Variants in NCAPG2 observed in about 807,000 individuals in gnomAD.
NCAPG2 encodes the protein condensin-2 complex subunit G2.
NCAPG2 carries 53 observed loss-of-function variants against 141.1 expected under a neutral mutation model. That is an observed-to-expected ratio of 0.38 (90% confidence interval 0.30 to 0.47). The LOEUF is 0.47. Ranked by LOEUF, NCAPG2 falls within the 20% of genes least tolerant of loss-of-function variation. The probability of loss-of-function intolerance (pLI) is 0.99; values close to 1 mark genes in which losing one functional copy is unlikely to be tolerated. For synonymous variants in NCAPG2, 499 were observed against 490.7 expected, an observed-to-expected ratio of 1.02 and a Z score of -0.22; for missense variants, 1,087 against 1,389.0, an observed-to-expected ratio of 0.78 and a Z score of 3.46.
At chr7:158,689,730 C>T in intron 6 of NCAPG2, 89 bp downstream of exon 6, 2 of 1,232,644 alleles carry the variant, frequency 1.6e-6, no homozygotes, top group Non-Finnish European at 2.2e-6. Context: ...CAACACCGAG[C>T]ATGGTGCAGA....
intron 27 of NCAPG2, among the ~76,000 whole-genome samples, chr7:158,635,408 C>A (rs928147295): frequency 6.6e-6 from 1 of 152,130 alleles, no homozygotes; most frequent in Non-Finnish European, 1.5e-5. Flanking sequence ...TTACTATTAA[C>A]GTTGCCTGCA....
intron 14 of NCAPG2, 107 bp from the exon 15 acceptor site, chr7:158,664,403 G>T (rs2290392): frequency 8.7e-6 from 13 of 1,495,468 alleles, no homozygotes; most frequent in Middle Eastern, 4.4e-4. Context: ...CTATTTTAAG[G>T]GAAATCATTC....
chr7:158,704,644 G>A (rs1250937396), intron 1 of NCAPG2, 80 bp downstream of exon 1: 1 of 152,626 alleles, frequency 6.6e-6, no homozygotes, highest in Non-Finnish European at 1.5e-5. Flanking sequence ...GACCAGCCGA[G>A]GAGGGGCTTC....
rs554870093 is a variant in NCAPG2, at chr7:158,693,008, C to CA, written c.268-53dup. ...TGAATTAAAATCATCAACTTAAAATCAGTTTTTAGCAGAAATTTCAGTTAC... is the reference window on the plus strand; with the variant it reads ...TGAATTAAAATCATCAACTTAAAATCAAGTTTTTAGCAGAAATTTCAGTTAC... On this transcript the variant is annotated intron_variant, in intron 3 of 27. Coordinates refer to ENST00000356309, the MANE Select transcript of NCAPG2 (RefSeq NM_017760.7). 145 of 1,212,270 alleles carry CA rather than the reference C, an allele frequency of 1.2e-4. 1 individual carries two copies. The African/African-American group carries it at 2.0e-3, about 17-fold the overall frequency. The allele number at this position is 1,212,270 out of a possible 1,614,324, so 75.1% of individuals were successfully genotyped here.
Position 158,696,750 on chromosome 7 carries a change from C to G in NCAPG2, c.79-3253G>C, listed in dbSNP as rs537137673. ...ACCCTCCTCCTCCTAAGTCCACACCCTTAGCTTCCCAAATGTGCCCTGCCT... is the reference window on the plus strand; with the variant it reads ...ACCCTCCTCCTCCTAAGTCCACACCGTTAGCTTCCCAAATGTGCCCTGCCT... On this transcript the variant is annotated intron_variant, in intron 2 of 27. Transcript: ENST00000356309. 5 of 152,400 alleles carry G rather than the reference C, an allele frequency of 3.3e-5. No individual in the cohort carries two copies. In the South Asian group the frequency reaches 1.0e-3, roughly 32 times the overall value. The allele number at this position is 152,400 out of a possible 1,614,324, so 9.4% of individuals were successfully genotyped here. A position where few individuals can be genotyped will look rare whatever the true frequency, so the allele number is the denominator to read the frequency against.
intron 16 of NCAPG2, among the ~76,000 whole-genome samples, chr7:158,660,931 T>C (rs1320368756): frequency 6.6e-6 from 1 of 152,190 alleles, no homozygotes; most frequent in Admixed American, 6.5e-5. Context: ...TGCTTGGCTC[T>C]CATTTTCTCT....
At chr7:158,674,030 T>G (rs536384401) in intron 12 of NCAPG2, among the ~76,000 whole-genome samples, 2 of 152,296 alleles carry the variant, frequency 1.3e-5, no homozygotes, top group South Asian at 4.1e-4. Context: ...GAAATGGAGA[T>G]AGACTATTTA....
Position 158,670,760 on chromosome 7 carries a change from C to T in NCAPG2, c.1479+754G>A, listed in dbSNP as rs574260215. On this transcript the variant is annotated intron_variant, in intron 13 of 27. Coordinates refer to ENST00000356309, the MANE Select transcript of NCAPG2 (RefSeq NM_017760.7). Reference sequence around the variant, plus strand: ...GCCCGACAAAAAGTTCCTCCTTGTTCTTTTCATGGCCACACGGCACCACTT... The same window carrying T: ...GCCCGACAAAAAGTTCCTCCTTGTTTTTTTCATGGCCACACGGCACCACTT... 3.9e-5 allele frequency among the ~76,000 whole-genome samples: 6 copies of T among 152,238 alleles called. No homozygotes were observed. The South Asian group carries it at 1.2e-3, about 32-fold the overall frequency.
chr7:158,659,355 A>G (rs966362062), intron 16 of NCAPG2, among the ~76,000 whole-genome samples: 22 of 151,840 alleles, frequency 1.4e-4, no homozygotes, highest in Non-Finnish European at 2.6e-4. Context: ...AAGAAGAAAA[A>G]AAAAAGTAAG....
chr7:158,671,741 A>G, intron 12 of NCAPG2, 75 bp from the exon 13 acceptor site: 1 of 1,501,194 alleles, frequency 6.7e-7, no homozygotes, highest in Non-Finnish European at 9.1e-7. Context: ...AAACTTCATT[A>G]AAGAAAACAT....
chr7:158,688,990 G>T (rs912836552), intron 6 of NCAPG2, among the ~76,000 whole-genome samples: 1 of 152,140 alleles, frequency 6.6e-6, no homozygotes, highest in African/African-American at 2.4e-5. Flanking sequence ...TGCCTGCTGA[G>T]CCATGAGCAT....
At chr7:158,657,585 C>G (rs1207050986) in intron 17 of NCAPG2, among the ~76,000 whole-genome samples, 1 of 152,220 alleles carries the variant, frequency 6.6e-6, no homozygotes, top group Non-Finnish European at 1.5e-5. Context: ...AGGGGTGCCT[C>G]TGCCTGGCCG....
chr7:158,652,340 C>G lies in NCAPG2; in HGVS notation c.2887G>C (p.Glu963Gln), dbSNP rs1459774548. ...TVQKVFQKML[E>Q]CIARSFRKQP... ...TTCCTGAAGCTCCGTGCAATACATTCCAACATTTTCTGAAATACTTTCTGG... is the reference window on the plus strand; with the variant it reads ...TTCCTGAAGCTCCGTGCAATACATTGCAACATTTTCTGAAATACTTTCTGG... Residue 963 changes from glutamate (E) to glutamine (Q), a missense_variant, in exon 23 of 28, where the codon GAA (glutamate) becomes CAA (glutamine). Glu to Gln is a conservative substitution (Grantham distance 29). Transcript: ENST00000356309. 1 of 1,613,974 alleles carries G rather than the reference C, an allele frequency of 6.2e-7. No homozygotes were observed. The highest frequency in any genetic ancestry group is 8.5e-7 in the Non-Finnish European group (1 of 1,180,020).
At chr7:158,660,164 T>A (rs1436721020) in intron 16 of NCAPG2, among the ~76,000 whole-genome samples, 3 of 151,884 alleles carry the variant, frequency 2.0e-5, no homozygotes, top group African/African-American at 4.8e-5. Flanking sequence ...GCCAATTCCA[T>A]CTGTGTGGCT....
chr7:158,644,776 T>C (rs1830885057), intron 26 of NCAPG2, among the ~76,000 whole-genome samples: 1 of 152,182 alleles, frequency 6.6e-6, no homozygotes, highest in Non-Finnish European at 1.5e-5. Flanking sequence ...GTGATCTCAA[T>C]GCAGGGGAGT....
intron 16 of NCAPG2, among the ~76,000 whole-genome samples, chr7:158,660,083 G>A (rs1832358023): frequency 6.6e-6 from 1 of 151,684 alleles, no homozygotes; most frequent in South Asian, 2.1e-4. Flanking sequence ...ACTCCAGCCT[G>A]GGCGACAGAG....
At chr7:158,683,916 C>CA (rs1834596400) in intron 8 of NCAPG2, among the ~76,000 whole-genome samples, 1 of 152,210 alleles carries the variant, frequency 6.6e-6, no homozygotes, top group Non-Finnish European at 1.5e-5. Context: ...TAATGGTACT[C>CA]AGAGTGCAGC....
At position 158,650,976 on chromosome 7, in the gene NCAPG2, C is replaced by T. The variant is rs199953700; in HGVS notation, c.2935-4G>A. 2.0e-5 allele frequency: 32 copies of T among 1,564,042 alleles called. No individual in the cohort carries two copies. In the East Asian group the frequency reaches 2.3e-4, roughly 11 times the overall value. On this transcript the variant is annotated splice_region_variant and splice_polypyrimidine_tract_variant and intron_variant, in intron 23 of 27. Coordinates refer to ENST00000356309, the MANE Select transcript of NCAPG2 (RefSeq NM_017760.7). The stretch of plus-strand genomic sequence containing the variant: ...GCCTCTGAACAGAATAAAGCAGCTA[C>T]AAGAAAACACATACGTCACTTTTAA...
At chr7:158,692,344 A>G (rs950318987) in intron 4 of NCAPG2, among the ~76,000 whole-genome samples, 6 of 136,206 alleles carry the variant, frequency 4.4e-5, no homozygotes, top group Admixed American at 2.3e-4. Context: ...ATAAGTATTC[A>G]GGACAACTCT....
Sources: allele counts gnomAD v4.1 joint callset (sites outside exome capture counted in the v4.1 genomes callset), GRCh38; gene constraint gnomAD v4.1.1; transcripts MANE v1.5; gene names NCBI Gene and HGNC (gene_info 2026-07-23, HGNC 2026-07-21).